Variants in CCDC68 observed in about 807,000 individuals in gnomAD.
CCDC68 encodes the protein coiled-coil domain containing 68.
Under a neutral mutation model 47.1 loss-of-function variants are expected in CCDC68, and 45 were observed. The ratio of observed to expected loss-of-function variants is 0.96; its 90% confidence interval spans 0.75 to 1.23. The LOEUF (loss-of-function observed/expected upper bound fraction) is 1.23, where lower values mean the gene tolerates loss of function less well. CCDC68 is among the 50% of genes most tolerant of loss of function. CCDC68 has a pLI of 0.00. For synonymous variants in CCDC68, 131 were observed against 129.5 expected (o/e 1.01, Z -0.08); for missense variants, 353 against 373.6 (o/e 0.94, Z 0.45).
At chr18:54,911,685 C>T (rs1914379313) in intron 10 of CCDC68, among the ~76,000 whole-genome samples, 2 of 152,168 alleles carry the variant, frequency 1.3e-5, no homozygotes, top group Admixed American at 1.3e-4. Flanking sequence ...TAGTACTTTA[C>T]ACTTGACAAA....
At chr18:54,933,494 A>T (rs548391041) in intron 7 of CCDC68, among the ~76,000 whole-genome samples, 1 of 152,330 alleles carries the variant, frequency 6.6e-6, no homozygotes, top group Non-Finnish European at 1.5e-5. Context: ...TGGTTAATCA[A>T]GTTGTTTGGT....
chr18:54,956,050 T>C (rs2044707963), intron 1 of CCDC68, among the ~76,000 whole-genome samples: 1 of 151,868 alleles, frequency 6.6e-6, no homozygotes, highest in Non-Finnish European at 1.5e-5. Context: ...AGTGCAATGG[T>C]GCAATCTTGG....
chr18:54,935,606 A>T (rs1364236553), intron 6 of CCDC68, among the ~76,000 whole-genome samples: 1 of 152,128 alleles, frequency 6.6e-6, no homozygotes, highest in Non-Finnish European at 1.5e-5. Context: ...CATTACAGGG[A>T]TGCACACTTC....
At chr18:54,958,373 A>G (rs1480884175) in intron 1 of CCDC68, among the ~76,000 whole-genome samples, 1 of 152,204 alleles carries the variant, frequency 6.6e-6, no homozygotes, top group Admixed American at 6.5e-5. Context: ...CAGCTCACAT[A>G]TCAGGAAAAC....
intron 8 of CCDC68, among the ~76,000 whole-genome samples, chr18:54,920,236 CTTTTTTTTTT>C (rs58528142): frequency 1.5e-5 from 2 of 135,236 alleles, no homozygotes; most frequent in Non-Finnish European, 1.6e-5. Flanking sequence ...TTTCTTTTTT[CTTTTTTTTTT>C]TTTTTTTGTT....
At position 54,947,410 on chromosome 18, in the gene CCDC68, A is replaced by T. The variant is rs112688015; in HGVS notation, c.-102-1933T>A. 4.2e-3 allele frequency among the ~76,000 whole-genome samples: 646 copies of T among 152,168 alleles called. 7 individuals are homozygous for T. The highest frequency in any genetic ancestry group is 0.014 in the African/African-American group (594 of 41,504). ...TGCTTTATTCTGTCTCACACACTGA[A>T]TTTTTCCATGAGGCTTTCTGTGAAG... On this transcript the variant is annotated intron_variant, in intron 1 of 11. Transcript: ENST00000591504.
At chr18:54,917,601 C>CT (rs1484290139) in intron 10 of CCDC68, among the ~76,000 whole-genome samples, 1 of 151,850 alleles carries the variant, frequency 6.6e-6, no homozygotes, top group Non-Finnish European at 1.5e-5. Context: ...ATTGTCAGTC[C>CT]TTTTTTCCAT....
At chr18:54,951,976 A>T (rs1216857212) in intron 1 of CCDC68, among the ~76,000 whole-genome samples, 1 of 152,260 alleles carries the variant, frequency 6.6e-6, no homozygotes, top group Non-Finnish European at 1.5e-5. Flanking sequence ...ATTAAATGAG[A>T]TAATGCATGA....
rs1269546600 is a variant in CCDC68 at position 54,907,786 on chromosome 18, C to T, written c.950G>A (p.Ser317Asn). The T allele has an allele frequency of 3.2e-6, 5 of 1,571,500 alleles. No homozygotes were observed. The highest frequency in any genetic ancestry group is 4.4e-6 in the Non-Finnish European group (5 of 1,141,200). Residue 317 changes from serine to asparagine, a missense_variant and splice_region_variant, in exon 11 of 12, where the codon AGT becomes AAT. Physicochemically the swap from Ser to Asn is conservative, Grantham distance 46 (BLOSUM62 1). Transcript: ENST00000591504. ...GGGTGGAAGAGGACAGAGACCTTAC[C>T]TTGTAGAGACAGCCTTAGATACCTT... The part of the protein sequence containing the change: ...RTKVSKAVST[S>N]ELKTEGVSPY...
intron 11 of CCDC68, among the ~76,000 whole-genome samples, chr18:54,907,096 G>GAATGATAC (rs1914055857): frequency 6.6e-6 from 1 of 152,152 alleles, no homozygotes; most frequent in Non-Finnish European, 1.5e-5. Flanking sequence ...ATCACTTTTT[G>GAATGATAC]AATGATACAT....
At chr18:54,950,648 C>T (rs369249159) in intron 1 of CCDC68, among the ~76,000 whole-genome samples, 166 of 151,910 alleles carry the variant, frequency 1.1e-3, no homozygotes, top group African/African-American at 3.7e-3. Context: ...AAAGCTATTT[C>T]GGAGGAAAAA....
chr18:54,950,472 C>T (rs1258807744), intron 1 of CCDC68, among the ~76,000 whole-genome samples: 1 of 148,312 alleles, frequency 6.7e-6, no homozygotes, highest in African/African-American at 2.5e-5. Context: ...TGAAAACGAG[C>T]ACAGTATACG....
chr18:54,910,980 C>G (rs989937460), intron 10 of CCDC68, among the ~76,000 whole-genome samples: 1 of 152,242 alleles, frequency 6.6e-6, no homozygotes, highest in South Asian at 2.1e-4. Flanking sequence ...ACAGTTCAAA[C>G]AGCTGCAGCT....
chr18:54,944,931 T>C (rs1839345927), intron 2 of CCDC68, among the ~76,000 whole-genome samples: 1 of 152,196 alleles, frequency 6.6e-6, no homozygotes, highest in African/African-American at 2.4e-5. Context: ...ATATGAATCT[T>C]GTTTGGATTT....
chr18:54,914,405 G>A (rs1458095259), intron 10 of CCDC68, among the ~76,000 whole-genome samples: 4 of 152,074 alleles, frequency 2.6e-5, no homozygotes, highest in Non-Finnish European at 1.5e-5. Flanking sequence ...ATCACCTGAG[G>A]TCAGGGGTTC....
At chr18:54,931,916 G>A (rs2044270627) in intron 7 of CCDC68, among the ~76,000 whole-genome samples, 1 of 151,978 alleles carries the variant, frequency 6.6e-6, no homozygotes, top group Non-Finnish European at 1.5e-5. Context: ...TTCTCCAGGG[G>A]GCACCTACGA....
intron 11 of CCDC68, among the ~76,000 whole-genome samples, chr18:54,905,932 G>A (rs1432336362): frequency 6.6e-6 from 1 of 152,192 alleles, no homozygotes; most frequent in Non-Finnish European, 1.5e-5. Flanking sequence ...CTGTGCATGC[G>A]ATGGATCTAG....
At chr18:54,942,536 C>A in intron 3 of CCDC68, 139 bp downstream of exon 3, 1 of 566,432 alleles carries the variant, frequency 1.8e-6, no homozygotes, top group South Asian at 2.3e-5. Flanking sequence ...TAAACTTCAG[C>A]TAGGAAGACT....
At chr18:54,922,987 CAAAAAAAAAA>C (rs1183607769) in intron 8 of CCDC68, among the ~76,000 whole-genome samples, 1 of 40,028 alleles carries the variant, frequency 2.5e-5, no homozygotes, top group Non-Finnish European at 4.9e-5. Context: ...GACTCCGTCT[CAAAAAAAAAA>C]AAAAAAAAAA....
Sources: allele counts gnomAD v4.1 joint callset (sites outside exome capture counted in the v4.1 genomes callset), GRCh38; gene constraint gnomAD v4.1.1; transcripts MANE v1.5; gene names NCBI Gene and HGNC (gene_info 2026-07-23, HGNC 2026-07-21).